Variants in SLC17A7 observed in about 807,000 individuals in gnomAD.
SLC17A7 encodes the protein vesicular glutamate transporter 1.
SLC17A7 carries 15 observed loss-of-function variants against 59.1 expected under a neutral mutation model. The observed-to-expected ratio is 0.25, with a 90% CI of 0.17 to 0.39. The LOEUF (loss-of-function observed/expected upper bound fraction) is 0.39. Among genes scored for constraint, SLC17A7 ranks in the 10% least tolerant of loss-of-function variants. SLC17A7 has a pLI of 1.00. For synonymous variants in SLC17A7, 353 were observed against 308.9 expected (o/e 1.14, Z -1.50); for missense variants, 499 against 765.1 (o/e 0.65, Z 4.10).
chr19:49,434,113 A>G, intron 5 of SLC17A7, 67 bp from the exon 6 acceptor site: 1 of 1,022,750 alleles, frequency 9.8e-7, no homozygotes, highest in South Asian at 1.3e-5. Context: ...GCGGACCCCC[A>G]CCGCTTCCCC....
chr19:49,431,293 C>T lies in SLC17A7; in HGVS notation c.1261+45G>A, dbSNP rs1276760300. The T allele has an allele frequency of 6.2e-7, 1 of 1,604,894 alleles. No individual in the cohort carries two copies. Among genetic ancestry groups the T allele is most frequent in the Non-Finnish European group, 8.5e-7 (1 of 1,173,414 alleles). On this transcript the variant is annotated intron_variant, in intron 10 of 11. Coordinates refer to ENST00000221485, the MANE Select transcript of SLC17A7 (RefSeq NM_020309.4). This position sits in a 1 kb window ranked among gnomAD's most constrained non-coding sequence, Gnocchi z 4.6. The stretch of plus-strand genomic sequence containing the variant: ...CGTTCCTGAGCCAGGAAGTTCCCTA[C>T]AGAGCTGACCAGAGTCCCCCAAGCT...
At chr19:49,432,418 G>T in intron 9 of SLC17A7, 101 bp downstream of exon 9, 1 of 1,454,602 alleles carries the variant, frequency 6.9e-7, no homozygotes, top group Non-Finnish European at 9.3e-7. Context: ...TCCTGGGGCA[G>T]GCTGGATGGT....
At chr19:49,434,508 C>T in intron 5 of SLC17A7, 94 bp downstream of exon 5, 1 of 1,162,598 alleles carries the variant, frequency 8.6e-7, no homozygotes, top group Non-Finnish European at 1.2e-6. Flanking sequence ...CACAGGAGTT[C>T]AGCCCCCCCA....
chr19:49,434,083 C>A (rs763482389), intron 5 of SLC17A7, 37 bp from the exon 6 acceptor site: 27 of 1,390,448 alleles, frequency 1.9e-5, no homozygotes, highest in Admixed American at 1.3e-4. Flanking sequence ...ACAGGCCCAT[C>A]TTCCCTCAGA....
chr19:49,434,974 C>G, intron 3 of SLC17A7, 92 bp from the exon 4 acceptor site: 2 of 1,270,232 alleles, frequency 1.6e-6, no homozygotes, highest in South Asian at 2.5e-5. Context: ...GCCCAGTGGT[C>G]CCCGGGACCC....
At chr19:49,432,746 G>T (rs2078965685) in intron 8 of SLC17A7, 65 bp downstream of exon 8, 1 of 1,598,022 alleles carries the variant, frequency 6.3e-7, no homozygotes, top group African/African-American at 1.3e-5. Flanking sequence ...CCTGCCTCGG[G>T]ATCGCCGCCA....
rs1003386592 is a variant in SLC17A7, at chr19:49,441,306, CG to C, written c.62+11del. 8.1e-6 allele frequency: 13 copies of C among 1,608,876 alleles called. No individual in the cohort carries two copies. Among genetic ancestry groups the C allele is most frequent in the African/African-American group, 2.7e-5 (2 of 74,810 alleles). On this transcript the variant is annotated intron_variant, in intron 1 of 11. Coordinates refer to ENST00000221485, the MANE Select transcript of SLC17A7 (RefSeq NM_020309.4). Reference sequence around the variant, plus strand: ...CCTCCCACTCTTCTCCCGGGACCCCCGCCAGGCTCACCGGTGCAGCTTCCCG... The same window carrying C: ...CCTCCCACTCTTCTCCCGGGACCCCCCCAGGCTCACCGGTGCAGCTTCCCG...
Position 49,430,213 on chromosome 19 carries a change from T to G in SLC17A7, c.*306A>C. On this transcript the variant is annotated 3_prime_UTR_variant, in exon 12 of 12. Coordinates refer to ENST00000221485, the MANE Select transcript of SLC17A7 (RefSeq NM_020309.4). ...GGTGCCTCAAAACCACAAGAGAGAG[T>G]AAGAGGTCGAACTGTCCATTCAAAT... 1 of 226,738 alleles carries G rather than the reference T, an allele frequency of 4.4e-6. No individual in the cohort carries two copies. Among genetic ancestry groups the G allele is most frequent in the Admixed American group, 5.6e-5 (1 of 17,708 alleles). 14.0% of individuals were successfully genotyped at this position (226,738 alleles called of 1,614,324 possible).
At position 49,436,283 on chromosome 19, in the gene SLC17A7, A is replaced by C; in HGVS notation, c.315+266T>G. On this transcript the variant is annotated intron_variant, in intron 2 of 11. Coordinates refer to ENST00000221485, the MANE Select transcript of SLC17A7 (RefSeq NM_020309.4). The surrounding 1 kb of genome is among the most constrained non-coding windows in gnomAD (Gnocchi z 4.1). ...GCAGGGGCAACCCCTAGGGAACCTG[A>C]TGTTGGGGCGGACTCTACATTTTTC... The C allele has an allele frequency of 1.9e-6, 1 of 529,020 alleles. No individual in the cohort carries two copies. The allele number at this position is 529,020 out of a possible 1,614,324, so 32.8% of individuals were successfully genotyped here. A position where few individuals can be genotyped will look rare whatever the true frequency, so the allele number is the denominator to read the frequency against.
intron 1 of SLC17A7, among the ~76,000 whole-genome samples, chr19:49,439,196 T>C (rs2078990744): frequency 6.6e-6 from 1 of 152,152 alleles, no homozygotes; most frequent in African/African-American, 2.4e-5. Flanking sequence ...TCTCTGCTTC[T>C]CTCAGGATCT....
intron 9 of SLC17A7, among the ~76,000 whole-genome samples, chr19:49,432,146 C>T (rs1369930757): frequency 1.3e-5 from 2 of 152,170 alleles, no homozygotes; most frequent in Non-Finnish European, 2.9e-5. Flanking sequence ...AGACAGCAGG[C>T]CCCCTAGGAC....
rs2078958044 is a variant in SLC17A7 at position 49,431,191 on chromosome 19, T to C, written c.1262-49A>G. Reference sequence around the variant, plus strand: ...GCGTCACACCGGAATCTCACTCGAGTGATTCCCACTGGGACGTTCTCAACC... The same window carrying C: ...GCGTCACACCGGAATCTCACTCGAGCGATTCCCACTGGGACGTTCTCAACC... On this transcript the variant is annotated intron_variant, in intron 10 of 11. Coordinates refer to ENST00000221485, the MANE Select transcript of SLC17A7 (RefSeq NM_020309.4). The surrounding 1 kb of genome is among the most constrained non-coding windows in gnomAD (Gnocchi z 4.6). 6.3e-7 allele frequency: 1 copy of C among 1,586,426 alleles called. No individual in the cohort carries two copies. Among genetic ancestry groups the C allele is most frequent in the Non-Finnish European group, 8.6e-7 (1 of 1,163,740 alleles).
At chr19:49,441,074 G>A (rs2078998142) in intron 1 of SLC17A7, among the ~76,000 whole-genome samples, 1 of 152,120 alleles carries the variant, frequency 6.6e-6, no homozygotes, top group Non-Finnish European at 1.5e-5. Context: ...ACCCGGGAGA[G>A]AGGCATTTAC....
intron 3 of SLC17A7, 74 bp from the exon 4 acceptor site, chr19:49,434,956 C>G: frequency 6.9e-7 from 1 of 1,449,578 alleles, no homozygotes; most frequent in Non-Finnish European, 9.7e-7. Flanking sequence ...CCGCCCACAG[C>G]AAGCTAGGCC....
At chr19:49,435,128 A>T (rs1181055407) in intron 3 of SLC17A7, 40 bp downstream of exon 3, 2 of 1,453,472 alleles carry the variant, frequency 1.4e-6, no homozygotes, top group African/African-American at 2.8e-5. Context: ...CCACCCACAC[A>T]ACTGTAGTTA....
chr19:49,438,116 G>A (rs2078986915), intron 1 of SLC17A7: 1 of 151,842 alleles, frequency 6.6e-6, no homozygotes, highest in Non-Finnish European at 1.5e-5. Context: ...GAGACACAGA[G>A]GATGACAGAG....
Position 49,432,595 on chromosome 19 carries a change from G to C in SLC17A7, c.1074C>G (p.Gly358=), listed in dbSNP as rs148186322. 4.3e-6 allele frequency: 7 copies of C among 1,613,576 alleles called. No individual in the cohort carries two copies. Among genetic ancestry groups the C allele is most frequent in the Non-Finnish European group, 5.9e-6 (7 of 1,179,838 alleles). The change falls in exon 9 of 12, where the codon GGC becomes GGG. Residue 358 remains glycine, a synonymous_variant. Transcript: ENST00000221485. ...HLVMTIIVPI[G]GQIADFLRSR... is the part of the protein sequence containing the mutation. Reference sequence around the variant, plus strand: ...TCCGCAGGAAGTCCGCGATCTGGCCGCCGATGGGCACGATGATGGTCATGA... The same window carrying C: ...TCCGCAGGAAGTCCGCGATCTGGCCCCCGATGGGCACGATGATGGTCATGA...
chr19:49,435,487 T>C, intron 2 of SLC17A7: 1 of 535,874 alleles, frequency 1.9e-6, no homozygotes, highest in Non-Finnish European at 3.3e-6. Flanking sequence ...CTAGGGCCTA[T>C]GCTGCCTTAA....
Position 49,434,043 on chromosome 19 carries a change from G to A in SLC17A7, c.641C>T (p.Ser214Phe). ...CATCGCGACCACCGCCCCAGCATAG[G>A]AACCTAAGGGGGAGGATGCGGGGGA... is the stretch of plus-strand genomic sequence containing the variant. ...SRLATTAFCGSYAGAVVAMPL... is the reference protein window; with the variant it reads ...SRLATTAFCGFYAGAVVAMPL... The change falls in exon 6 of 12, where the codon TCC becomes TTC. Residue 214 changes from serine (S) to phenylalanine (F), a missense_variant. Ser to Phe is a radical substitution (Grantham distance 155). This residue lies in a region of SLC17A7 where 323 missense variants were observed against 607.2 expected (regional missense o/e 0.53). Transcript: ENST00000221485. The A allele has an allele frequency of 6.2e-7, 1 of 1,609,812 alleles. No individual in the cohort carries two copies. Among genetic ancestry groups the A allele is most frequent in the Non-Finnish European group, 8.5e-7 (1 of 1,176,482 alleles).
Sources: gnomAD v4.1 joint callset for allele counts (sites outside exome capture counted in the v4.1 genomes callset) on GRCh38, gnomAD v4.1.1 for gene constraint, gnomAD v4.1.1 regional missense constraint, Gnocchi (gnomAD v3.1) non-coding constraint, MANE v1.5 for transcripts, NCBI Gene and HGNC (gene_info 2026-07-23, HGNC 2026-07-21) for gene names.